TEAD4: variants seen among roughly 807,000 people sequenced by gnomAD.
The protein encoded by TEAD4 is TEA domain transcription factor 4.
In TEAD4, 36 loss-of-function variants were observed where a neutral mutation model predicts 52.4. The observed-to-expected ratio is 0.69, with a 90% CI of 0.53 to 0.91. The LOEUF is 0.91. Among genes scored for constraint, TEAD4 ranks in the 40% least tolerant of loss-of-function variants. TEAD4 has a pLI of 0.00. For synonymous variants in TEAD4, 220 were observed against 231.0 expected (o/e 0.95, Z 0.43); for missense variants, 508 against 583.9 (o/e 0.87, Z 1.34).
intron 10 of TEAD4, among the ~76,000 whole-genome samples, chr12:3,035,457 C>T (rs1002444497): frequency 2.0e-5 from 3 of 152,354 alleles, no homozygotes; most frequent in African/African-American, 7.2e-5. Context: ...AGCACACAAA[C>T]TGTCCCCCAG....
chr12:3,040,367 G>A lies in TEAD4; in HGVS notation c.1194G>A (p.Val398=). Residue 398 remains valine (V), a splice_region_variant and synonymous_variant, in exon 13 of 13, where the codon GTG becomes GTA. Transcript: ENST00000359864. ...CCTTGTCTTTTTCTCTCCCACAGGT[G>A]GTCACCAACAGAGACACACAGGAGA... 2 of 1,614,170 alleles carry A rather than the reference G, an allele frequency of 1.2e-6. No homozygotes were observed. The highest frequency in any genetic ancestry group is 1.7e-6 in the Non-Finnish European group (2 of 1,180,028).
At chr12:2,993,420 G>A (rs750270613) in intron 2 of TEAD4, among the ~76,000 whole-genome samples, 3 of 151,996 alleles carry the variant, frequency 2.0e-5, no homozygotes, top group Non-Finnish European at 4.4e-5. Flanking sequence ...CTAAGTGCTG[G>A]GATTACAGGT....
intron 10 of TEAD4, among the ~76,000 whole-genome samples, chr12:3,027,695 C>T (rs1452696689): frequency 1.3e-5 from 2 of 152,136 alleles, no homozygotes; most frequent in East Asian, 1.9e-4. Context: ...GGCAAAACCC[C>T]ATCTCTCCTA....
At chr12:3,005,464 TTTATTTTTATTTTTA>T (rs980715317) in intron 3 of TEAD4, among the ~76,000 whole-genome samples, 8 of 151,622 alleles carry the variant, frequency 5.3e-5, no homozygotes, top group Non-Finnish European at 8.8e-5. Flanking sequence ...TGGCTAATTT[TTTATTTTTATTTTTA>T]TTATTTTTAT....
chr12:2,964,614 C>T (rs1032291547), intron 2 of TEAD4, among the ~76,000 whole-genome samples: 6 of 147,154 alleles, frequency 4.1e-5, no homozygotes, highest in Non-Finnish European at 6.0e-5. Flanking sequence ...CCTGCCACCA[C>T]ACCTGGCTAA....
intron 10 of TEAD4, among the ~76,000 whole-genome samples, chr12:3,032,143 G>A (rs560916419): frequency 7.9e-5 from 12 of 152,358 alleles, no homozygotes; most frequent in African/African-American, 2.6e-4. Flanking sequence ...TTGCCAGGAA[G>A]GAAGGAGGAC....
At chr12:3,032,555 G>A (rs753086842) in intron 10 of TEAD4, among the ~76,000 whole-genome samples, 2 of 152,188 alleles carry the variant, frequency 1.3e-5, no homozygotes, top group African/African-American at 2.4e-5. Context: ...GCAAATATTG[G>A]CTTCTCTGTG....
chr12:2,968,951 G>A (rs1441406605), intron 2 of TEAD4, among the ~76,000 whole-genome samples: 2 of 152,146 alleles, frequency 1.3e-5, no homozygotes, highest in African/African-American at 4.8e-5. Flanking sequence ...CCACTGTGCT[G>A]GGCCTGTGAG....
At chr12:2,978,358 G>A (rs1455641339) in intron 2 of TEAD4, among the ~76,000 whole-genome samples, 1 of 149,118 alleles carries the variant, frequency 6.7e-6, no homozygotes, top group East Asian at 2.0e-4. Context: ...CGCTGTACCC[G>A]TTAAACAGTA....
chr12:3,013,063 C>T (rs2098261648), intron 5 of TEAD4, among the ~76,000 whole-genome samples: 1 of 152,188 alleles, frequency 6.6e-6, no homozygotes, highest in South Asian at 2.1e-4. Context: ...ATCACACTCC[C>T]ACCTCAGCCT....
At chr12:2,978,675 A>G (rs2098231803) in intron 2 of TEAD4, among the ~76,000 whole-genome samples, 1 of 151,958 alleles carries the variant, frequency 6.6e-6, no homozygotes, top group African/African-American at 2.4e-5. Flanking sequence ...GAGTGCTGGG[A>G]TTACGGGTGT....
chr12:2,975,438 GGGT>G (rs1312483836), intron 2 of TEAD4, among the ~76,000 whole-genome samples: 2 of 151,664 alleles, frequency 1.3e-5, no homozygotes, highest in African/African-American at 4.8e-5. Flanking sequence ...GCCCAGGCTG[GGGT>G]GCAATGGTGT....
chr12:2,964,752 G>A (rs2098218862), intron 2 of TEAD4, among the ~76,000 whole-genome samples: 1 of 151,914 alleles, frequency 6.6e-6, no homozygotes, highest in Admixed American at 6.6e-5. Flanking sequence ...GATTACAGGC[G>A]TGAACCACCG....
chr12:3,026,729 GT>G (rs1201852328), intron 10 of TEAD4, among the ~76,000 whole-genome samples: 1 of 152,176 alleles, frequency 6.6e-6, no homozygotes, highest in Non-Finnish European at 1.5e-5. Flanking sequence ...ATGTATCTTA[GT>G]TCAGTTGATG....
chr12:2,959,538 A>C lies in TEAD4; in HGVS notation c.-123+57A>C, dbSNP rs1170989325. Reference sequence around the variant, plus strand: ...GGCGCCCTCACGGGCCGCGCGCCCCACGCCGCCGCAGCCGACCGCTCGCGC... The same window carrying C: ...GGCGCCCTCACGGGCCGCGCGCCCCCCGCCGCCGCAGCCGACCGCTCGCGC... On this transcript the variant is annotated intron_variant, in intron 1 of 12. Transcript: ENST00000359864. This position sits in a 1 kb window ranked among gnomAD's most constrained non-coding sequence, Gnocchi z 5.1. The C allele has an allele frequency of 1.4e-5, 2 of 147,632 alleles. No individual in the cohort carries two copies. The highest frequency in any genetic ancestry group is 3.0e-5 in the Non-Finnish European group (2 of 66,318). 9.1% of individuals were successfully genotyped at this position (147,632 alleles called of 1,614,324 possible). A position where few individuals can be genotyped will look rare whatever the true frequency, so the allele number is the denominator to read the frequency against.
chr12:2,983,815 T>C (rs1253824501), intron 2 of TEAD4, among the ~76,000 whole-genome samples: 4 of 152,248 alleles, frequency 2.6e-5, no homozygotes, highest in African/African-American at 7.2e-5. Context: ...CGTTTGTTCA[T>C]TCTGTGTTCA....
At chr12:2,988,868 C>T (rs1325454805) in intron 2 of TEAD4, among the ~76,000 whole-genome samples, 3 of 152,178 alleles carry the variant, frequency 2.0e-5, no homozygotes, top group African/African-American at 7.2e-5. Flanking sequence ...GTGGAGGGAC[C>T]TGAAGGGTGG....
At chr12:3,034,497 G>T (rs1043527887) in intron 10 of TEAD4, among the ~76,000 whole-genome samples, 1 of 152,140 alleles carries the variant, frequency 6.6e-6, no homozygotes, top group Admixed American at 6.5e-5. Context: ...AATAGAGGGG[G>T]ATCTGCCAAT....
intron 2 of TEAD4, among the ~76,000 whole-genome samples, chr12:2,993,890 C>G (rs922485316): frequency 6.6e-6 from 1 of 152,230 alleles, no homozygotes; most frequent in African/African-American, 2.4e-5. Flanking sequence ...TGCTGCAGCA[C>G]GTGTCCCGGT....
Sources: gnomAD v4.1 joint callset for allele counts (sites outside exome capture counted in the v4.1 genomes callset) on GRCh38, gnomAD v4.1.1 for gene constraint, Gnocchi (gnomAD v3.1) non-coding constraint, MANE v1.5 for transcripts, NCBI Gene and HGNC (gene_info 2026-07-23, HGNC 2026-07-21) for gene names.